The following CALD1 variants were observed in gnomAD, a reference collection of about 807,000 sequenced individuals.
CALD1 encodes caldesmon.
CALD1 carries 33 observed loss-of-function variants against 99.9 expected under a neutral mutation model. That is an observed-to-expected ratio of 0.33 (90% CI 0.25 to 0.44). The LOEUF (loss-of-function observed/expected upper bound fraction) is 0.44. Among genes scored for constraint, CALD1 ranks in the 20% least tolerant of loss-of-function variants. The pLI, the probability that CALD1 is intolerant of heterozygous loss-of-function variation, is 1.00. For missense variants in CALD1, 861 were observed against 962.1 expected (o/e 0.89, Z 1.39); for synonymous variants, 310 against 325.0 (o/e 0.95, Z 0.50).
At chr7:134,793,247 C>T (rs570497339) in intron 1 of CALD1, among the ~76,000 whole-genome samples, 56 of 152,308 alleles carry the variant, frequency 3.7e-4, no homozygotes, top group African/African-American at 1.2e-3. Flanking sequence ...GGCCCTTTTC[C>T]GTCATTTTTA....
chr7:134,791,627 C>A (rs1797536595), intron 1 of CALD1, among the ~76,000 whole-genome samples: 1 of 152,090 alleles, frequency 6.6e-6, no homozygotes, highest in Non-Finnish European at 1.5e-5. Context: ...TTCAGATAAT[C>A]CGAAGAGGCA....
At chr7:134,944,532 C>CAT (rs886761667) in intron 7 of CALD1, 2 of 151,160 alleles carry the variant, frequency 1.3e-5, no homozygotes, top group Non-Finnish European at 2.9e-5. Flanking sequence ...ATATAATATA[C>CAT]ATATATATAT....
intron 1 of CALD1, among the ~76,000 whole-genome samples, chr7:134,768,701 A>G (rs1282926945): frequency 2.0e-5 from 3 of 152,176 alleles, no homozygotes; most frequent in Non-Finnish European, 4.4e-5. Flanking sequence ...AAACAACAAA[A>G]AGCTTAAGAA....
chr7:134,808,360 G>A (rs1174071492), intron 1 of CALD1, among the ~76,000 whole-genome samples: 2 of 151,878 alleles, frequency 1.3e-5, no homozygotes, highest in Non-Finnish European at 2.9e-5. Context: ...CTCCCAACTC[G>A]GCCTGCCAAA....
At chr7:134,897,246 G>A (rs922959782) in intron 3 of CALD1, among the ~76,000 whole-genome samples, 2 of 151,852 alleles carry the variant, frequency 1.3e-5, no homozygotes, top group Non-Finnish European at 2.9e-5. Context: ...GGCCTCAAGG[G>A]TTCTGTTGTC....
chr7:134,721,896 T>C, the CALD1 span, among the ~76,000 whole-genome samples: 1 of 152,162 alleles, frequency 6.6e-6, no homozygotes, highest in Non-Finnish European at 1.5e-5. Flanking sequence ...CTGTGTAATT[T>C]ATGGAACGCA....
intron 2 of CALD1, among the ~76,000 whole-genome samples, chr7:134,866,506 G>T (rs774693069): frequency 6.6e-6 from 1 of 152,182 alleles, no homozygotes; most frequent in South Asian, 2.1e-4. Context: ...TTTTTGTGGG[G>T]TTTTTTTAGA....
chr7:134,909,580 G>A (rs1803646114), intron 3 of CALD1, among the ~76,000 whole-genome samples: 1 of 152,204 alleles, frequency 6.6e-6, no homozygotes, highest in Non-Finnish European at 1.5e-5. Context: ...CTACTTGGGA[G>A]GCTGAGGCAG....
At chr7:134,959,147 C>T (rs1165475420) in intron 11 of CALD1, among the ~76,000 whole-genome samples, 3 of 151,646 alleles carry the variant, frequency 2.0e-5, no homozygotes, top group African/African-American at 7.3e-5. Context: ...CTGCAGCTGA[C>T]TGTCTTGTTT....
chr7:134,821,107 A>C (rs1416727351), intron 1 of CALD1, among the ~76,000 whole-genome samples: 1 of 152,184 alleles, frequency 6.6e-6, no homozygotes, highest in Admixed American at 6.5e-5. Context: ...ACACCATGTA[A>C]ATGTTACATA....
intron 14 of CALD1, among the ~76,000 whole-genome samples, chr7:134,967,620 C>T (rs1056375518): frequency 1.3e-5 from 2 of 152,108 alleles, no homozygotes; most frequent in African/African-American, 2.4e-5. Context: ...CCTTCACCAT[C>T]ATACATTGAT....
At chr7:134,744,138 T>G (rs17791917), upstream of CALD1, 94,129 of 152,110 alleles carry the variant, frequency 0.62, 29,537 homozygotes, top group East Asian at 0.86. Context: ...TGGCCAATGG[T>G]AAACCTTCTC....
chr7:134,857,514 A>C (rs1423751888), intron 2 of CALD1, among the ~76,000 whole-genome samples: 1 of 152,110 alleles, frequency 6.6e-6, no homozygotes, highest in Non-Finnish European at 1.5e-5. Context: ...CCTGAGGAAA[A>C]GTCCAGGTAT....
intron 1 of CALD1, among the ~76,000 whole-genome samples, chr7:134,821,631 G>T (rs1385171780): frequency 7.8e-6 from 1 of 128,966 alleles, no homozygotes; most frequent in African/African-American, 2.8e-5. Flanking sequence ...CACCCAGGCT[G>T]GAGTGCAATG....
At chr7:134,878,083 C>G (rs1041585844) in intron 3 of CALD1, among the ~76,000 whole-genome samples, 6 of 152,098 alleles carry the variant, frequency 3.9e-5, no homozygotes, top group Non-Finnish European at 8.8e-5. Flanking sequence ...CCTCCCCACC[C>G]ACAGAGGTAA....
intron 3 of CALD1, among the ~76,000 whole-genome samples, chr7:134,877,697 G>A (rs1801415719): frequency 6.6e-6 from 1 of 152,090 alleles, no homozygotes; most frequent in African/African-American, 2.4e-5. Flanking sequence ...CTGATACTGA[G>A]GGATGACTAT....
At chr7:134,757,680 ACC>A (rs1685464533) in intron 1 of CALD1, among the ~76,000 whole-genome samples, 1 of 152,040 alleles carries the variant, frequency 6.6e-6, no homozygotes, top group Admixed American at 6.6e-5. Flanking sequence ...GGAATTCAAG[ACC>A]AGCCTGGCCA....
intron 1 of CALD1, among the ~76,000 whole-genome samples, chr7:134,795,962 TTTGAGAG>T (rs1417440401): frequency 6.6e-6 from 1 of 151,880 alleles, no homozygotes; most frequent in Non-Finnish European, 1.5e-5. Flanking sequence ...AGTGTAGGAG[TTTGAGAG>T]TTATTTTTGT....
intron 7 of CALD1, among the ~76,000 whole-genome samples, chr7:134,946,282 T>C (rs748082581): frequency 1.2e-4 from 18 of 152,150 alleles, no homozygotes; most frequent in Non-Finnish European, 2.1e-4. Context: ...TATTTACCCA[T>C]TTTTCCATGT....
Sources: allele counts gnomAD v4.1 joint callset (sites outside exome capture counted in the v4.1 genomes callset), GRCh38; gene constraint gnomAD v4.1.1; transcripts MANE v1.5; gene names NCBI Gene and HGNC (gene_info 2026-07-23, HGNC 2026-07-21).